Variants in CCDC146 observed in about 807,000 individuals in gnomAD.
The protein encoded by CCDC146 is coiled-coil domain-containing protein 146.
A neutral mutation model predicts 119.3 loss-of-function variants in CCDC146; 92 were observed. The ratio of observed to expected loss-of-function variants is 0.77; its 90% confidence interval spans 0.65 to 0.92. The LOEUF (loss-of-function observed/expected upper bound fraction) is 0.92, where lower values mean the gene tolerates loss of function less well. Ranked by LOEUF, CCDC146 falls within the 40% of genes least tolerant of loss-of-function variation. The pLI is 0.00. For synonymous variants in CCDC146, 372 were observed against 371.8 expected (o/e 1.00, Z -0.01); for missense variants, 1,000 against 1,103.0 (o/e 0.91, Z 1.32).
intron 1 of CCDC146, among the ~76,000 whole-genome samples, chr7:77,163,658 A>G (rs56174182): frequency 0.011 from 1,680 of 152,066 alleles, 9 homozygotes; most frequent in Non-Finnish European, 0.017. Flanking sequence ...GTTCTTTAGG[A>G]TATATTATTA....
At chr7:77,150,058 A>G (rs1791087652) in intron 1 of CCDC146, among the ~76,000 whole-genome samples, 2 of 152,168 alleles carry the variant, frequency 1.3e-5, no homozygotes, top group South Asian at 2.1e-4. Flanking sequence ...GAATAGATTA[A>G]AGATCTAACT....
chr7:77,273,914 G>C lies in CCDC146; in HGVS notation c.1269+125G>C. The C allele has an allele frequency of 7.7e-6, 4 of 520,460 alleles. No individual in the cohort carries two copies. In the South Asian group the frequency reaches 1.5e-4, roughly 20 times the overall value. The allele number at this position is 520,460 out of a possible 1,614,324, so 32.2% of individuals were successfully genotyped here. A position where few individuals can be genotyped will look rare whatever the true frequency, so the allele number is the denominator to read the frequency against. The stretch of plus-strand genomic sequence containing the variant: ...CAAAGAGAGTATGATCCTGCTTCAT[G>C]TGGGCATATTTCTTCATCTCAAAGT... On this transcript the variant is annotated intron_variant, in intron 10 of 18. Coordinates refer to ENST00000285871, the MANE Select transcript of CCDC146 (RefSeq NM_020879.3).
intron 2 of CCDC146, among the ~76,000 whole-genome samples, chr7:77,208,399 G>A (rs545022158): frequency 6.6e-6 from 1 of 152,182 alleles, no homozygotes; most frequent in African/African-American, 2.4e-5. Context: ...ATTGCTCCTA[G>A]GCTACAAATC....
At chr7:77,168,658 G>T (rs35391668) in intron 2 of CCDC146, among the ~76,000 whole-genome samples, 23,078 of 152,008 alleles carry the variant, frequency 0.15, 1,848 homozygotes, top group East Asian at 0.19. Context: ...TTGCTAAATT[G>T]TTCACTTTTT....
At chr7:77,236,492 A>C (rs1792740058) in intron 2 of CCDC146, among the ~76,000 whole-genome samples, 1 of 152,200 alleles carries the variant, frequency 6.6e-6, no homozygotes, top group South Asian at 2.1e-4. Context: ...TCTAAACTTT[A>C]GTTTCAAATG....
At chr7:77,149,786 CGAGA>C (rs59790559) in intron 1 of CCDC146, among the ~76,000 whole-genome samples, 70 of 136,140 alleles carry the variant, frequency 5.1e-4, no homozygotes, top group East Asian at 1.9e-3. Context: ...AAAAAAAAAG[CGAGA>C]GAGAGAGAGA....
intron 3 of CCDC146, 152 bp from the exon 4 acceptor site, chr7:77,241,539 G>T (rs1476883657): frequency 4.6e-6 from 3 of 655,328 alleles, no homozygotes; most frequent in Non-Finnish European, 5.4e-6. Flanking sequence ...GTGGACTCAC[G>T]GACATGAAGG....
At chr7:77,291,402 A>C (rs1793940681) in intron 17 of CCDC146, among the ~76,000 whole-genome samples, 1 of 142,300 alleles carries the variant, frequency 7.0e-6, no homozygotes, top group Admixed American at 6.8e-5. Flanking sequence ...AGCTGATATT[A>C]ATAGGTTAAA....
intron 18 of CCDC146, 46 bp downstream of exon 18, chr7:77,293,246 G>A: frequency 3.8e-6 from 6 of 1,574,354 alleles, no homozygotes; most frequent in Non-Finnish European, 4.3e-6. Flanking sequence ...TGCCAGCAGG[G>A]GTTGCATTCA....
intron 1 of CCDC146, among the ~76,000 whole-genome samples, chr7:77,127,181 G>A (rs539056828): frequency 6.6e-6 from 1 of 152,072 alleles, no homozygotes. Flanking sequence ...GGCCAACTCA[G>A]CAGGGGCGGG....
At chr7:77,204,171 C>T (rs1014036511) in intron 2 of CCDC146, among the ~76,000 whole-genome samples, 3 of 151,942 alleles carry the variant, frequency 2.0e-5, no homozygotes, top group Admixed American at 1.3e-4. Context: ...AACTCAGGAA[C>T]CTTTAATTGT....
chr7:77,233,278 G>A (rs554442170), intron 2 of CCDC146, among the ~76,000 whole-genome samples: 3 of 152,048 alleles, frequency 2.0e-5, no homozygotes, highest in African/African-American at 7.2e-5. Flanking sequence ...TTTTAGTAGA[G>A]ATGGGGTTTC....
At chr7:77,247,653 AT>A (rs34195758) in intron 4 of CCDC146, among the ~76,000 whole-genome samples, 4,159 of 152,338 alleles carry the variant, frequency 0.027, 88 homozygotes, top group Non-Finnish European at 0.044. Context: ...ATAAATAGAC[AT>A]TTTTCAAAAG....
intron 2 of CCDC146, among the ~76,000 whole-genome samples, chr7:77,225,943 C>CA (rs11335340): frequency 1.3e-5 from 2 of 149,472 alleles, no homozygotes; most frequent in Non-Finnish European, 3.0e-5. Flanking sequence ...AACTTCATCT[C>CA]AAAAAAAAAA....
At chr7:77,291,803 T>C (rs941407085) in intron 17 of CCDC146, among the ~76,000 whole-genome samples, 6 of 152,238 alleles carry the variant, frequency 3.9e-5, no homozygotes, top group African/African-American at 1.4e-4. Context: ...GTTTCTGACC[T>C]AGTAATGATG....
intron 2 of CCDC146, among the ~76,000 whole-genome samples, chr7:77,226,810 C>T (rs1379478644): frequency 6.6e-6 from 1 of 152,178 alleles, no homozygotes; most frequent in Non-Finnish European, 1.5e-5. Flanking sequence ...GAAAATGCAA[C>T]CATTTTCCAT....
chr7:77,258,776 C>G (rs1243476538), intron 6 of CCDC146, among the ~76,000 whole-genome samples: 1 of 152,196 alleles, frequency 6.6e-6, no homozygotes, highest in Non-Finnish European at 1.5e-5. Flanking sequence ...AGAGGACCAA[C>G]AGTATTTGCT....
chr7:77,259,872 C>T (rs902189933), intron 7 of CCDC146, 137 bp from the exon 8 acceptor site: 2 of 639,692 alleles, frequency 3.1e-6, no homozygotes, highest in African/African-American at 3.7e-5. Context: ...GAATTTATGA[C>T]TATCTCTTCT....
chr7:77,140,354 C>T (rs923983567), intron 1 of CCDC146, among the ~76,000 whole-genome samples: 54 of 152,004 alleles, frequency 3.6e-4, no homozygotes, highest in African/African-American at 1.3e-3. Context: ...GTACTATAGA[C>T]CAGGTGACTT....
Sources: gnomAD v4.1 joint callset for allele counts (sites outside exome capture counted in the v4.1 genomes callset) on GRCh38, gnomAD v4.1.1 for gene constraint, MANE v1.5 for transcripts, NCBI Gene and HGNC (gene_info 2026-07-23, HGNC 2026-07-21) for gene names.